PATL2: variants seen among roughly 807,000 people sequenced by gnomAD.
The protein encoded by PATL2 is protein PAT1 homolog 2.
PATL2 carries 73 observed loss-of-function variants against 77.0 expected under a neutral mutation model. The observed-to-expected ratio is 0.95, with a 90% CI of 0.78 to 1.15. The LOEUF is 1.15. Among genes scored for constraint, PATL2 ranks in the 50% most tolerant of loss-of-function variants. The pLI, the probability that PATL2 is intolerant of heterozygous loss-of-function variation, is 0.00. For synonymous variants in PATL2, 265 were observed against 257.1 expected, an observed-to-expected ratio of 1.03 and a Z score of -0.29; for missense variants, 618 against 655.4, an observed-to-expected ratio of 0.94 and a Z score of 0.62.
intron 3 of PATL2, among the ~76,000 whole-genome samples, chr15:44,694,773 C>T (rs2086467116): frequency 6.6e-6 from 1 of 152,148 alleles, no homozygotes; most frequent in Non-Finnish European, 1.5e-5. Context: ...CTGGTGGAGG[C>T]AAACCACTGT....
Position 44,705,734 on chromosome 15 carries a change from T to C in PATL2, c.-76+4362A>G, listed in dbSNP as rs138707667. On this transcript the variant is annotated intron_variant, in intron 3 of 17. Coordinates refer to ENST00000682850, the MANE Select transcript of PATL2 (RefSeq NM_001387263.1). ...ATTCTTTTTAGTTATTTTAATCTCT[T>C]TGTTAAAGTTATATGATAGGATTCT... Among the ~76,000 whole-genome samples the C allele has an allele frequency of 8.2e-3, 1,244 of 152,206 alleles. 16 individuals carry two copies. The highest frequency in any genetic ancestry group is 0.028 in the African/African-American group (1,165 of 41,512).
At chr15:44,694,254 A>G (rs1268852591) in intron 3 of PATL2, among the ~76,000 whole-genome samples, 1 of 152,146 alleles carries the variant, frequency 6.6e-6, no homozygotes, top group East Asian at 1.9e-4. Context: ...ATGTTGGATG[A>G]GCAGAGGGGC....
chr15:44,672,916 C>T (rs1010179713), intron 7 of PATL2, among the ~76,000 whole-genome samples: 6 of 152,098 alleles, frequency 3.9e-5, no homozygotes, highest in African/African-American at 1.2e-4. Context: ...CTCGCCACCA[C>T]GCCTAGCTAA....
chr15:44,668,524 C>T (rs1404889120), intron 14 of PATL2, 42 bp from the exon 15 acceptor site: 9 of 1,540,436 alleles, frequency 5.8e-6, no homozygotes, highest in East Asian at 2.5e-5. Flanking sequence ...TCCACTACAA[C>T]TTCACCTCCC....
chr15:44,700,891 A>G (rs1595988188), intron 3 of PATL2, among the ~76,000 whole-genome samples: 1 of 152,104 alleles, frequency 6.6e-6, no homozygotes, highest in Non-Finnish European at 1.5e-5. Context: ...TCACTATGAT[A>G]CTAGCTGTGG....
chr15:44,708,121 G>T lies in PATL2; in HGVS notation c.-76+1975C>A, dbSNP rs190852889. 1.4e-3 allele frequency among the ~76,000 whole-genome samples: 209 copies of T among 152,364 alleles called. 2 individuals are homozygous for T. The highest frequency in any genetic ancestry group is 9.0e-4 in the Non-Finnish European group (61 of 68,036). ...GCTGCCGGCGAATGGGGGAGAGATA[G>T]CATTTAGCAATTCAAGACTGTCTTA... On this transcript the variant is annotated intron_variant, in intron 3 of 17. Transcript: ENST00000682850.
intron 3 of PATL2, among the ~76,000 whole-genome samples, chr15:44,703,600 C>T (rs2086672789): frequency 6.6e-6 from 1 of 151,660 alleles, no homozygotes; most frequent in African/African-American, 2.4e-5. Flanking sequence ...GTAAGCATAG[C>T]TATTCATGAT....
In PATL2 at chr15:44,674,178, G is replaced by A. The variant is rs1302343271; in HGVS notation, c.275C>T (p.Ser92Leu). 4.5e-6 allele frequency: 7 copies of A among 1,550,830 alleles called. No individual in the cohort carries two copies. The highest frequency in any genetic ancestry group is 6.1e-6 in the Non-Finnish European group (7 of 1,146,248). ...GVKAPGMLGM[S>L]LASLHFLWQT... is the part of the protein sequence containing the mutation. ...CCACAGAAAATGCAAGGAGGCAAGT[G>A]ACATTCCCAGCATACCAGGGGCCTT... is the stretch of plus-strand genomic sequence containing the variant. Residue 92 changes from serine to leucine, a missense_variant, in exon 6 of 18, where the codon TCA becomes TTA. Coordinates refer to ENST00000682850, the MANE Select transcript of PATL2 (RefSeq NM_001387263.1).
chr15:44,689,921 G>T (rs577306991), intron 3 of PATL2, among the ~76,000 whole-genome samples: 18 of 152,294 alleles, frequency 1.2e-4, no homozygotes, highest in African/African-American at 3.8e-4. Context: ...CAAGCATGGT[G>T]TCTCACACCT....
Position 44,690,176 on chromosome 15 carries a change from C to T in PATL2, c.-75-13611G>A, listed in dbSNP as rs148493353. 1.1e-3 allele frequency among the ~76,000 whole-genome samples: 161 copies of T among 151,960 alleles called. 1 individual carries two copies. The highest frequency in any genetic ancestry group is 3.2e-3 in the African/African-American group (132 of 41,460). On this transcript the variant is annotated intron_variant, in intron 3 of 17. Transcript: ENST00000682850. ...TGCACTCCAGCCTGGGCAACAAGAG[C>T]GAAACTCCGTCTCAAAAAAAAGTGA...
chr15:44,696,696 A>G (rs968693450), intron 3 of PATL2, among the ~76,000 whole-genome samples: 8 of 151,600 alleles, frequency 5.3e-5, no homozygotes, highest in African/African-American at 1.9e-4. Flanking sequence ...CCTCCAAGGT[A>G]TGGTGTCTGA....
intron 11 of PATL2, 54 bp downstream of exon 11, chr15:44,669,723 T>TA (rs2085568385): frequency 2.0e-6 from 3 of 1,537,326 alleles, no homozygotes; most frequent in South Asian, 2.4e-5. Context: ...AAGAATGTTC[T>TA]AGACCCTTCT....
intron 3 of PATL2, among the ~76,000 whole-genome samples, chr15:44,682,898 A>G (rs999274168): frequency 4.6e-5 from 7 of 152,328 alleles, no homozygotes; most frequent in African/African-American, 1.7e-4. Context: ...TACCCAGCTC[A>G]TCTCACTGGG....
At chr15:44,698,725 A>C (rs1044895345) in intron 3 of PATL2, among the ~76,000 whole-genome samples, 8 of 152,202 alleles carry the variant, frequency 5.3e-5, no homozygotes, top group Non-Finnish European at 1.2e-4. Context: ...TATCTCTTTG[A>C]TATACTGATT....
chr15:44,710,011 T>C (rs1474780104), intron 3 of PATL2, among the ~76,000 whole-genome samples, 85 bp downstream of exon 3: 1 of 152,236 alleles, frequency 6.6e-6, no homozygotes, highest in East Asian at 1.9e-4. Flanking sequence ...TATTCTCATA[T>C]TTTAGTTATT....
chr15:44,711,306 C>T lies in PATL2; in HGVS notation c.-540G>A. 1 of 608,482 alleles carries T rather than the reference C, an allele frequency of 1.6e-6. No individual in the cohort carries two copies. Among genetic ancestry groups the T allele is most frequent in the South Asian group, 1.9e-5 (1 of 52,856 alleles). The allele number at this position is 608,482 out of a possible 1,614,324, so 37.7% of individuals were successfully genotyped here. A position where few individuals can be genotyped will look rare whatever the true frequency, so the allele number is the denominator to read the frequency against. ...GGGGCGCGCACCCCAGATCGGAGGG[C>T]GCCGATGTACAGACAGCAAACTCAC... On this transcript the variant is annotated 5_prime_UTR_variant, in exon 1 of 18. Coordinates refer to ENST00000682850, the MANE Select transcript of PATL2 (RefSeq NM_001387263.1).
intron 17 of PATL2, 67 bp from the exon 18 acceptor site, chr15:44,666,038 A>C (rs1566844921): frequency 2.9e-6 from 4 of 1,359,356 alleles, no homozygotes; most frequent in Admixed American, 5.2e-5. Flanking sequence ...TGATTTAATT[A>C]GTATCTGACT....
chr15:44,707,272 C>G (rs893952740), intron 3 of PATL2, among the ~76,000 whole-genome samples: 9 of 152,054 alleles, frequency 5.9e-5, no homozygotes, highest in African/African-American at 2.2e-4. Flanking sequence ...CCCCTTTACT[C>G]TTTCCACTTC....
chr15:44,673,055 C>T (rs1330379211), intron 7 of PATL2, among the ~76,000 whole-genome samples, 180 bp downstream of exon 7: 1 of 152,186 alleles, frequency 6.6e-6, no homozygotes, highest in Admixed American at 6.5e-5. Flanking sequence ...CCACAGCACC[C>T]GGCTTTAAAT....
Sources: allele counts gnomAD v4.1 joint callset (sites outside exome capture counted in the v4.1 genomes callset), GRCh38; gene constraint gnomAD v4.1.1; transcripts MANE v1.5; gene names NCBI Gene and HGNC (gene_info 2026-07-23, HGNC 2026-07-21).